TACR1: variants seen among roughly 807,000 people sequenced by gnomAD.
TACR1 encodes the protein substance-P receptor.
In TACR1, 25 loss-of-function variants were observed where a neutral mutation model predicts 35.8. The ratio of observed to expected loss-of-function variants is 0.70; its 90% confidence interval spans 0.51 to 0.98. The LOEUF (loss-of-function observed/expected upper bound fraction) is 0.98, where lower values mean the gene tolerates loss of function less well. Ranked by LOEUF, TACR1 falls within the 50% of genes least tolerant of loss-of-function variation. The probability of loss-of-function intolerance (pLI) is 0.00; values close to 1 mark genes in which losing one functional copy is unlikely to be tolerated. For missense variants in TACR1, 478 were observed against 522.9 expected (o/e 0.91, Z 0.84); for synonymous variants, 195 against 206.7 (o/e 0.94, Z 0.48).
rs1166779798 is a variant in TACR1 at position 75,154,410 on chromosome 2, G to GCGTGCGCGCGCGCGCGCGCGCGCGCGCA, written c.390-33643_390-33642insTGCGCGCGCGCGCGCGCGCGCGCGCACG. 32 of 75,360 alleles carry GCGTGCGCGCGCGCGCGCGCGCGCGCGCA rather than the reference G, an allele frequency of 4.2e-4. 2 individuals are homozygous for GCGTGCGCGCGCGCGCGCGCGCGCGCGCA. Among genetic ancestry groups the GCGTGCGCGCGCGCGCGCGCGCGCGCGCA allele is most frequent in the Admixed American group, 1.8e-3 (12 of 6,774 alleles). The allele number at this position is 75,360 out of a possible 1,614,324, so 4.7% of individuals were successfully genotyped here. On this transcript the variant is annotated intron_variant, in intron 1 of 4. Coordinates refer to ENST00000305249, the MANE Select transcript of TACR1 (RefSeq NM_001058.4). ...GAGATAATCAGCCAAGAGCGCGCACGCACACACACACACACACACACACAC... is the reference window on the plus strand; with the variant it reads ...GAGATAATCAGCCAAGAGCGCGCACGCGTGCGCGCGCGCGCGCGCGCGCGCGCACACACACACACACACACACACACAC...
At chr2:75,173,390 T>A (rs1675336914) in intron 1 of TACR1, among the ~76,000 whole-genome samples, 1 of 152,232 alleles carries the variant, frequency 6.6e-6, no homozygotes, top group East Asian at 1.9e-4. Context: ...AATAAGTGAT[T>A]TTTTTGAGCC....
At position 75,199,089 on chromosome 2, in the gene TACR1, C is replaced by T; in HGVS notation, c.-155G>A. On this transcript the variant is annotated 5_prime_UTR_variant, in exon 1 of 5. Coordinates refer to ENST00000305249, the MANE Select transcript of TACR1 (RefSeq NM_001058.4). The stretch of plus-strand genomic sequence containing the variant: ...GCACTCTTTTTGAAAGCTGAACTGG[C>T]GCTCAGAATATAAACGCTTCTGGAT... The T allele has an allele frequency of 1.1e-6, 1 of 924,468 alleles. No individual in the cohort carries two copies. Among genetic ancestry groups the T allele is most frequent in the Non-Finnish European group, 1.6e-6 (1 of 626,498 alleles). 57.3% of individuals were successfully genotyped at this position (924,468 alleles called of 1,614,324 possible). A position where few individuals can be genotyped will look rare whatever the true frequency, so the allele number is the denominator to read the frequency against.
chr2:75,091,858 G>T (rs1673318938), intron 2 of TACR1, among the ~76,000 whole-genome samples: 1 of 152,196 alleles, frequency 6.6e-6, no homozygotes, highest in South Asian at 2.1e-4. Flanking sequence ...GCAAAAGGAA[G>T]CCCACATGGG....
intron 1 of TACR1, among the ~76,000 whole-genome samples, chr2:75,146,453 C>T (rs1015351978): frequency 6.6e-6 from 1 of 152,092 alleles, no homozygotes; most frequent in African/African-American, 2.4e-5. Context: ...AGAAGACAGC[C>T]TCAAAAGGTA....
At position 75,048,446 on chromosome 2, in the gene TACR1, G is replaced by C. The variant is rs1170320360; in HGVS notation, c.*986C>G. ...CTTCCATGAGAAGGAATGTACTCAG[G>C]ATTTTAAGATAAATCGGAGAATGTC... On this transcript the variant is annotated 3_prime_UTR_variant, in exon 5 of 5. Transcript: ENST00000305249. 6.6e-6 allele frequency: 1 copy of C among 152,204 alleles called. No homozygotes were observed. Among genetic ancestry groups the C allele is most frequent in the African/African-American group, 2.4e-5 (1 of 41,446 alleles). 9.4% of individuals were successfully genotyped at this position (152,204 alleles called of 1,614,324 possible).
At chr2:75,082,634 A>G (rs1030483350) in intron 2 of TACR1, among the ~76,000 whole-genome samples, 55 of 152,046 alleles carry the variant, frequency 3.6e-4, no homozygotes, top group Admixed American at 9.8e-4. Flanking sequence ...GTGTGAGATG[A>G]TATCTCATTG....
intron 2 of TACR1, among the ~76,000 whole-genome samples, chr2:75,085,015 A>C (rs899728679): frequency 6.6e-6 from 1 of 151,534 alleles, no homozygotes. Context: ...TTTAATTGTG[A>C]TGTTATGGTG....
chr2:75,110,816 T>C (rs1673735398), intron 2 of TACR1, among the ~76,000 whole-genome samples: 1 of 152,018 alleles, frequency 6.6e-6, no homozygotes, highest in Non-Finnish European at 1.5e-5. Context: ...TCTTACATAA[T>C]TGCTGTTAAG....
Position 75,145,575 on chromosome 2 carries a change from A to G in TACR1, c.390-24807T>C, listed in dbSNP as rs79344402. Among the ~76,000 whole-genome samples, 1,429 of 152,356 alleles carry G rather than the reference A, an allele frequency of 9.4e-3. 26 individuals are homozygous for G. Among genetic ancestry groups the G allele is most frequent in the African/African-American group, 0.032 (1,339 of 41,592 alleles). On this transcript the variant is annotated intron_variant, in intron 1 of 4. Coordinates refer to ENST00000305249, the MANE Select transcript of TACR1 (RefSeq NM_001058.4). ...ATCAATAACTTTTCTATATAACAGCATAGCCATTTACATAATATAATGGAA... is the reference window on the plus strand; with the variant it reads ...ATCAATAACTTTTCTATATAACAGCGTAGCCATTTACATAATATAATGGAA...
intron 2 of TACR1, among the ~76,000 whole-genome samples, chr2:75,102,438 A>G (rs1038914227): frequency 3.3e-5 from 5 of 152,226 alleles, no homozygotes; most frequent in African/African-American, 1.2e-4. Context: ...CAAAGGTTCT[A>G]ACTGTAATAG....
chr2:75,065,014 T>G (rs554349138), intron 2 of TACR1, among the ~76,000 whole-genome samples: 1 of 152,322 alleles, frequency 6.6e-6, no homozygotes, highest in Admixed American at 6.5e-5. Flanking sequence ...TGGTCAGCCT[T>G]TCCAGCCTGG....
chr2:75,094,873 T>TG (rs1673389212), intron 2 of TACR1, among the ~76,000 whole-genome samples: 4 of 116,016 alleles, frequency 3.4e-5, no homozygotes, highest in African/African-American at 1.9e-4. Flanking sequence ...TTTTTTTTTT[T>TG]GCCCAAGATG....
intron 1 of TACR1, among the ~76,000 whole-genome samples, chr2:75,150,489 T>G (rs936703754): frequency 6.6e-6 from 1 of 152,158 alleles, no homozygotes; most frequent in Non-Finnish European, 1.5e-5. Flanking sequence ...TATCAGGGGT[T>G]TCTGCTTTTG....
chr2:75,159,907 G>A lies in TACR1; in HGVS notation c.389+38639C>T, dbSNP rs144059322. ...CTACATGTCAATAGAGGTACCATTC[G>A]CTGGATCAGGCACATAAAGAATTGG... On this transcript the variant is annotated intron_variant, in intron 1 of 4. Transcript: ENST00000305249. 1.8e-4 allele frequency among the ~76,000 whole-genome samples: 28 copies of A among 152,202 alleles called. No individual in the cohort carries two copies. The East Asian group carries it at 5.2e-3, about 28-fold the overall frequency.
chr2:75,077,815 A>C (rs1160981640), intron 2 of TACR1, among the ~76,000 whole-genome samples: 1 of 152,210 alleles, frequency 6.6e-6, no homozygotes, highest in Non-Finnish European at 1.5e-5. Flanking sequence ...GAAGGCCCCC[A>C]GGAACATAAC....
At chr2:75,094,614 G>A (rs1037249711) in intron 2 of TACR1, among the ~76,000 whole-genome samples, 2 of 151,930 alleles carry the variant, frequency 1.3e-5, no homozygotes, top group Non-Finnish European at 2.9e-5. Context: ...AGTGATGGTG[G>A]TAGTGGTGGA....
At chr2:75,129,697 T>C (rs1674142182) in intron 1 of TACR1, among the ~76,000 whole-genome samples, 1 of 152,250 alleles carries the variant, frequency 6.6e-6, no homozygotes, top group Non-Finnish European at 1.5e-5. Context: ...GGATCATCCA[T>C]TCCATTGGGC....
In TACR1 at chr2:75,051,248, C is replaced by T; in HGVS notation, c.932+3G>A. The T allele has an allele frequency of 6.2e-7, 1 of 1,614,152 alleles. No individual in the cohort carries two copies. ...GGAGAGCTCATGGGGTTGGGATCCT[C>T]ACCTGTCATTGAGGCAGCAGTAGAT... On this transcript the variant is annotated splice_donor_region_variant and intron_variant, in intron 4 of 4. Transcript: ENST00000305249.
At chr2:75,086,264 C>G (rs1355641735) in intron 2 of TACR1, among the ~76,000 whole-genome samples, 1 of 152,160 alleles carries the variant, frequency 6.6e-6, no homozygotes, top group Admixed American at 6.5e-5. Flanking sequence ...CATGTCAAGT[C>G]TAGACATTTA....
Sources: gnomAD v4.1 joint callset for allele counts (sites outside exome capture counted in the v4.1 genomes callset) on GRCh38, gnomAD v4.1.1 for gene constraint, MANE v1.5 for transcripts, NCBI Gene and HGNC (gene_info 2026-07-23, HGNC 2026-07-21) for gene names.